DTX1: variants seen among roughly 807,000 people sequenced by gnomAD.
DTX1 encodes the protein E3 ubiquitin-protein ligase DTX1.
DTX1 carries 26 observed loss-of-function variants against 57.8 expected under a neutral mutation model. That is an observed-to-expected ratio of 0.45 (90% CI 0.33 to 0.62). The LOEUF (loss-of-function observed/expected upper bound fraction) is 0.62, where lower values mean the gene tolerates loss of function less well. Among genes scored for constraint, DTX1 ranks in the 20% least tolerant of loss-of-function variants. The probability of loss-of-function intolerance (pLI) is 0.02; values close to 1 mark genes in which losing one functional copy is unlikely to be tolerated. For synonymous variants in DTX1, 398 were observed against 394.1 expected, an observed-to-expected ratio of 1.01 and a Z score of -0.12; for missense variants, 704 against 895.3, an observed-to-expected ratio of 0.79 and a Z score of 2.73.
In DTX1 at chr12:113,096,779, C is replaced by A; in HGVS notation, c.1703C>A (p.Thr568Asn). Residue 568 changes from threonine to asparagine, a missense_variant, in exon 10 of 10, where the codon ACC becomes AAC. Thr to Asn is a moderately conservative substitution (Grantham distance 65). Coordinates refer to ENST00000548759, the MANE Select transcript of DTX1 (RefSeq NM_004416.3). ...RLIFTIGTSN[T>N]TGESDTVVWN... is the part of the protein sequence containing the mutation. ...ATCTTCACTATCGGCACGTCCAACA[C>A]CACGGGCGAGTCGGACACCGTGGTG... 6.2e-7 allele frequency: 1 copy of A among 1,613,896 alleles called. No individual in the cohort carries two copies. Among genetic ancestry groups the A allele is most frequent in the Non-Finnish European group, 8.5e-7 (1 of 1,180,032 alleles).
chr12:113,069,648 C>T (rs1340047104), intron 2 of DTX1, among the ~76,000 whole-genome samples: 2 of 152,108 alleles, frequency 1.3e-5, no homozygotes, highest in African/African-American at 2.4e-5. Flanking sequence ...GGCTGCAGCT[C>T]GAATCCCAGC....
intron 3 of DTX1, among the ~76,000 whole-genome samples, chr12:113,083,060 G>T (rs1014619706): frequency 7.9e-5 from 12 of 152,178 alleles, no homozygotes; most frequent in African/African-American, 2.9e-4. Context: ...TCCTGGGCTT[G>T]TAGATTGCAT....
In DTX1 at chr12:113,077,360, CGCCCTTCCA is replaced by C; in HGVS notation, c.260-60_260-52del. On this transcript the variant is annotated intron_variant, in intron 2 of 9. Coordinates refer to ENST00000548759, the MANE Select transcript of DTX1 (RefSeq NM_004416.3). The surrounding 1 kb of genome is among the most constrained non-coding windows in gnomAD (Gnocchi z 7.8). ...CGCCCACCCTTGCCTGGCTGTGGCC[CGCCCTTCCA>C]GCCGCGCAGACCAACGCCCGCTGTG... 6.6e-7 allele frequency: 1 copy of C among 1,523,600 alleles called. No individual in the cohort carries two copies. The allele number at this position is 1,523,600 out of a possible 1,614,324, so 94.4% of individuals were successfully genotyped here.
rs753155493 is a variant in DTX1 at position 113,077,689 on chromosome 12, C to T, written c.525C>T (p.Leu175=). 1 of 1,554,974 alleles carries T rather than the reference C, an allele frequency of 6.4e-7. No homozygotes were observed. Among genetic ancestry groups the T allele is most frequent in the African/African-American group, 1.4e-5 (1 of 73,362 alleles). Residue 175 remains leucine, a synonymous_variant, in exon 3 of 10, where the codon CTC becomes CTT. Coordinates refer to ENST00000548759, the MANE Select transcript of DTX1 (RefSeq NM_004416.3). The surrounding 1 kb of genome is among the most constrained non-coding windows in gnomAD (Gnocchi z 7.8). ...GCCGCCTGCGCCGCCGCCTGGACCT[C>T]GCCTACCCGCTCACCGTGGGCTCCA... ...RRRRLRRRLD[L]AYPLTVGSIP...
chr12:113,057,079 T>G (rs2044629122), intron 1 of DTX1, 135 bp downstream of exon 1: 2 of 152,012 alleles, frequency 1.3e-5, no homozygotes, highest in East Asian at 2.0e-4. Context: ...GCTCCTGGCT[T>G]CGCCCCCTCC....
intron 3 of DTX1, among the ~76,000 whole-genome samples, chr12:113,084,995 CCA>C (rs10610484): frequency 0.58 from 87,793 of 151,252 alleles, 26,016 homozygotes; most frequent in Middle Eastern, 0.72. Flanking sequence ...CAACACAGGC[CCA>C]CATAGTCCAT....
At chr12:113,057,129 C>G (rs908080269) in intron 1 of DTX1, among the ~76,000 whole-genome samples, 185 bp downstream of exon 1, 2 of 152,120 alleles carry the variant, frequency 1.3e-5, no homozygotes, top group Admixed American at 1.3e-4. Context: ...GCGCCTGCAG[C>G]GCCGCGCATC....
At chr12:113,063,363 C>T (rs967060975) in intron 2 of DTX1, among the ~76,000 whole-genome samples, 2 of 152,218 alleles carry the variant, frequency 1.3e-5, no homozygotes, top group Non-Finnish European at 2.9e-5. Context: ...CAGCCGCCTC[C>T]GAGGGCCTCA....
Position 113,080,234 on chromosome 12 carries a change from G to A in DTX1, c.941+2129G>A, listed in dbSNP as rs73427760. The stretch of plus-strand genomic sequence containing the variant: ...GAGCAGACTTGAGGGGGTCAAAGAA[G>A]ACCCCTTGGGGAAGCCTTGTCCAAA... On this transcript the variant is annotated intron_variant, in intron 3 of 9. Coordinates refer to ENST00000548759, the MANE Select transcript of DTX1 (RefSeq NM_004416.3). Among the ~76,000 whole-genome samples, 604 of 152,340 alleles carry A rather than the reference G, an allele frequency of 4.0e-3. 6 individuals are homozygous for A. The highest frequency in any genetic ancestry group is 0.014 in the African/African-American group (588 of 41,582).
rs992525593 is a variant in DTX1, at chr12:113,093,731, A to G, written c.1165+31A>G. 1.2e-6 allele frequency: 2 copies of G among 1,610,130 alleles called. No individual in the cohort carries two copies. Among genetic ancestry groups the G allele is most frequent in the African/African-American group, 1.3e-5 (1 of 74,838 alleles). On this transcript the variant is annotated intron_variant, in intron 5 of 9. Transcript: ENST00000548759. The surrounding 1 kb of genome is among the most constrained non-coding windows in gnomAD (Gnocchi z 4.2). The stretch of plus-strand genomic sequence containing the variant: ...CCCTCCACGCCCTGCCTCACACGAG[A>G]TGAACCCCACTAAGCCTTGACCACA...
intron 3 of DTX1, among the ~76,000 whole-genome samples, chr12:113,084,701 C>T (rs1339004125): frequency 6.6e-6 from 1 of 152,220 alleles, no homozygotes; most frequent in Non-Finnish European, 1.5e-5. Flanking sequence ...AGGCATGTCT[C>T]TCTTAATTCT....
At position 113,057,942 on chromosome 12, in the gene DTX1, A is replaced by C; in HGVS notation, c.-251A>C. On this transcript the variant is annotated 5_prime_UTR_variant, in exon 2 of 10. Coordinates refer to ENST00000548759, the MANE Select transcript of DTX1 (RefSeq NM_004416.3). ...AGCTGTTTCCTCCGGCATAAGAGAG[A>C]CACTTGCTTTCCAGGGCAGCACCCT... is the stretch of plus-strand genomic sequence containing the variant. 2 of 581,086 alleles carry C rather than the reference A, an allele frequency of 3.4e-6. No individual in the cohort carries two copies. Among genetic ancestry groups the C allele is most frequent in the Non-Finnish European group, 5.8e-6 (2 of 343,628 alleles). The allele number at this position is 581,086 out of a possible 1,614,324, so 36.0% of individuals were successfully genotyped here.
intron 2 of DTX1, among the ~76,000 whole-genome samples, chr12:113,068,016 G>A (rs111669012): frequency 1.3e-5 from 2 of 152,134 alleles, no homozygotes; most frequent in African/African-American, 4.8e-5. Context: ...TCCACCCTGG[G>A]CAACAGAGTG....
chr12:113,058,962 G>A (rs188744449), intron 2 of DTX1, among the ~76,000 whole-genome samples: 7 of 152,282 alleles, frequency 4.6e-5, no homozygotes, highest in African/African-American at 1.2e-4. Flanking sequence ...AAACCCAGGC[G>A]GTTGAGTTCC....
chr12:113,090,592 C>T (rs1046930746), intron 3 of DTX1, among the ~76,000 whole-genome samples: 2 of 152,318 alleles, frequency 1.3e-5, no homozygotes, highest in African/African-American at 4.8e-5. Context: ...ACCCAGGGTA[C>T]CCGCCATCCC....
intron 3 of DTX1, among the ~76,000 whole-genome samples, chr12:113,087,656 C>T (rs1344020521): frequency 6.6e-6 from 1 of 152,174 alleles, no homozygotes; most frequent in Non-Finnish European, 1.5e-5. Flanking sequence ...TCACTTCTGC[C>T]CCCTCCTCAC....
At chr12:113,079,609 CT>C (rs2044801268) in intron 3 of DTX1, among the ~76,000 whole-genome samples, 1 of 143,442 alleles carries the variant, frequency 7.0e-6, no homozygotes, top group Non-Finnish European at 1.5e-5. Flanking sequence ...CTGACTGCAA[CT>C]TCTGCCTCCA....
intron 9 of DTX1, among the ~76,000 whole-genome samples, chr12:113,096,102 G>A (rs1163269575): frequency 6.6e-6 from 1 of 152,094 alleles, no homozygotes; most frequent in Non-Finnish European, 1.5e-5. Flanking sequence ...CTACCTGGGA[G>A]GCTGAGGCAG....
chr12:113,059,925 G>T (rs2044654417), intron 2 of DTX1, among the ~76,000 whole-genome samples: 1 of 152,228 alleles, frequency 6.6e-6, no homozygotes, highest in Non-Finnish European at 1.5e-5. Context: ...TTGTGGGCCA[G>T]TGTAGATCCA....
Sources: allele counts gnomAD v4.1 joint callset (sites outside exome capture counted in the v4.1 genomes callset), GRCh38; gene constraint gnomAD v4.1.1; non-coding constraint Gnocchi (gnomAD v3.1); transcripts MANE v1.5; gene names NCBI Gene and HGNC (gene_info 2026-07-23, HGNC 2026-07-21).